TMEM143: variants seen among roughly 807,000 people sequenced by gnomAD.
TMEM143 encodes transmembrane protein 143.
TMEM143 carries 45 observed loss-of-function variants against 40.3 expected under a neutral mutation model. The ratio of observed to expected loss-of-function variants is 1.12; its 90% confidence interval spans 0.88 to 1.43. The LOEUF (loss-of-function observed/expected upper bound fraction) is 1.43, where lower values mean the gene tolerates loss of function less well. Among genes scored for constraint, TMEM143 ranks in the 40% most tolerant of loss-of-function variants. The probability of loss-of-function intolerance (pLI) is 0.00; values close to 1 mark genes in which losing one functional copy is unlikely to be tolerated. For missense variants in TMEM143, 620 were observed against 613.4 expected, an observed-to-expected ratio of 1.01 and a Z score of -0.11; for synonymous variants, 299 against 282.7, an observed-to-expected ratio of 1.06 and a Z score of -0.58.
At chr19:48,339,279 G>A (rs1969437755) in intron 6 of TMEM143, among the ~76,000 whole-genome samples, 1 of 152,198 alleles carries the variant, frequency 6.6e-6, no homozygotes, top group African/African-American at 2.4e-5. Flanking sequence ...AGATGTCAGG[G>A]GAGACGCTGT....
At chr19:48,339,253 C>T (rs939739571) in intron 6 of TMEM143, among the ~76,000 whole-genome samples, 7 of 152,204 alleles carry the variant, frequency 4.6e-5, no homozygotes, top group African/African-American at 1.2e-4. Context: ...TCCTTAGATG[C>T]GGAGCCCAGA....
At position 48,343,355 on chromosome 19, in the gene TMEM143, G is replaced by A. The variant is rs376912245; in HGVS notation, c.661C>T (p.Arg221Cys). Residue 221 changes from arginine to cysteine, a missense_variant, in exon 5 of 8, where the codon CGT becomes TGT. Physicochemically the swap from Arg to Cys is radical, Grantham distance 180. Transcript: ENST00000293261. ...MPLKSSVGSR[R>C]GFFTKLPPAE... is the part of the protein sequence containing the mutation. ...GGGGGCAGCTTGGTGAAGAAGCCAC[G>A]CCTGGAGCCCACGCTGGACTTCAGG... The A allele has an allele frequency of 1.7e-5, 27 of 1,610,484 alleles. No individual in the cohort carries two copies. Among genetic ancestry groups the A allele is most frequent in the East Asian group, 2.2e-5 (1 of 44,836 alleles).
At chr19:48,342,272 AAGGGAGGAAGGG>A (rs1021175551) in intron 6 of TMEM143, among the ~76,000 whole-genome samples, 1 of 138,166 alleles carries the variant, frequency 7.2e-6, no homozygotes, top group Non-Finnish European at 1.6e-5. Flanking sequence ...GAAAGGAAAG[AAGGGAGGAAGGG>A]AGGGAGGAAG....
At chr19:48,349,539 G>A (rs992847787) in intron 3 of TMEM143, among the ~76,000 whole-genome samples, 4 of 152,046 alleles carry the variant, frequency 2.6e-5, no homozygotes, top group Non-Finnish European at 2.9e-5. Context: ...CAGCTACTCC[G>A]GAGGCTGAGG....
At chr19:48,342,852 C>T (rs950323976) in intron 5 of TMEM143, 43 bp from the exon 6 acceptor site, 1 of 1,550,938 alleles carries the variant, frequency 6.4e-7, no homozygotes, top group South Asian at 1.2e-5. Context: ...CGGGACTGCA[C>T]TGCCCGGGGA....
chr19:48,360,221 T>C, intron 2 of TMEM143, 45 bp from the exon 3 acceptor site: 1 of 1,573,064 alleles, frequency 6.4e-7, no homozygotes, highest in Non-Finnish European at 8.7e-7. Context: ...CTTTTCCCCT[T>C]CCCCGAGGGA....
intron 4 of TMEM143, among the ~76,000 whole-genome samples, chr19:48,344,436 G>C (rs1027898644): frequency 1.3e-5 from 2 of 150,668 alleles, no homozygotes; most frequent in Admixed American, 6.6e-5. Context: ...CTGCAGGCCC[G>C]CACCACCATA....
intron 2 of TMEM143, among the ~76,000 whole-genome samples, chr19:48,360,901 C>T (rs1970025912): frequency 6.6e-6 from 1 of 152,042 alleles, no homozygotes; most frequent in African/African-American, 2.4e-5. Context: ...ATCCTCCCAC[C>T]TCAGCCTCCT....
chr19:48,348,789 A>G (rs905945312), intron 3 of TMEM143, among the ~76,000 whole-genome samples: 17 of 152,172 alleles, frequency 1.1e-4, no homozygotes, highest in African/African-American at 4.1e-4. Context: ...CAAGGCTTCT[A>G]CTGCCCTCGG....
chr19:48,335,229 T>C (rs998641968), intron 6 of TMEM143, among the ~76,000 whole-genome samples: 2 of 152,188 alleles, frequency 1.3e-5, no homozygotes, highest in South Asian at 4.1e-4. Flanking sequence ...TATCATACTA[T>C]CCTATTTCTG....
intron 1 of TMEM143, 49 bp downstream of exon 1, chr19:48,363,849 G>A (rs764820321): frequency 6.2e-7 from 1 of 1,613,090 alleles, no homozygotes; most frequent in South Asian, 1.1e-5. Context: ...TACCTAGGGG[G>A]TGCAGGGCCG....
intron 6 of TMEM143, among the ~76,000 whole-genome samples, chr19:48,337,483 G>A (rs368352278): frequency 2.0e-5 from 3 of 151,586 alleles, no homozygotes; most frequent in East Asian, 3.9e-4. Flanking sequence ...GGAGGCAGAG[G>A]TTGCAGTGAG....
chr19:48,353,966 C>CT (rs1000999847), intron 3 of TMEM143, among the ~76,000 whole-genome samples: 51 of 149,650 alleles, frequency 3.4e-4, no homozygotes, highest in African/African-American at 7.6e-4. Context: ...CATTTCACTT[C>CT]TTTTTTTTTT....
intron 3 of TMEM143, among the ~76,000 whole-genome samples, chr19:48,357,722 T>G (rs1969943495): frequency 6.6e-6 from 1 of 152,068 alleles, no homozygotes; most frequent in Non-Finnish European, 1.5e-5. Flanking sequence ...ATGGTCTATA[T>G]ACACCATGGA....
intron 6 of TMEM143, among the ~76,000 whole-genome samples, chr19:48,334,995 T>C (rs1969335709): frequency 6.6e-6 from 1 of 152,184 alleles, no homozygotes; most frequent in Admixed American, 6.5e-5. Context: ...ATCTGAGCCA[T>C]GTATTAATGG....
chr19:48,334,604 C>T, intron 6 of TMEM143, among the ~76,000 whole-genome samples: 1 of 112,238 alleles, frequency 8.9e-6, no homozygotes, highest in African/African-American at 3.3e-5. Flanking sequence ...TTTTTTTCGA[C>T]AGGGTCTCGC....
intron 2 of TMEM143, 199 bp from the exon 3 acceptor site, chr19:48,360,375 C>G (rs991026568): frequency 3.8e-6 from 2 of 526,482 alleles, no homozygotes; most frequent in Non-Finnish European, 6.8e-6. Flanking sequence ...GTCAGGAGTT[C>G]AAGACCAGCG....
At chr19:48,344,515 C>T (rs762980245) in intron 4 of TMEM143, among the ~76,000 whole-genome samples, 4 of 152,104 alleles carry the variant, frequency 2.6e-5, no homozygotes, top group Non-Finnish European at 4.4e-5. Context: ...TCCGGAACTC[C>T]TGGGCTCGAG....
intron 4 of TMEM143, among the ~76,000 whole-genome samples, chr19:48,344,708 A>G (rs1257196401): frequency 6.7e-6 from 1 of 149,800 alleles, no homozygotes; most frequent in Non-Finnish European, 1.5e-5. Flanking sequence ...AGACAGCAGC[A>G]CCTCCTTTTT....
Sources: gnomAD v4.1 joint callset for allele counts (sites outside exome capture counted in the v4.1 genomes callset) on GRCh38, gnomAD v4.1.1 for gene constraint, MANE v1.5 for transcripts, NCBI Gene and HGNC (gene_info 2026-07-23, HGNC 2026-07-21) for gene names.